GALNTL6: variants seen among roughly 807,000 people sequenced by gnomAD.
GALNTL6 encodes polypeptide N-acetylgalactosaminyltransferase like 6, also known as polypeptide N-acetylgalactosaminyltransferase-like 6.
GALNTL6 carries 46 observed loss-of-function variants against 73.7 expected under a neutral mutation model. The ratio of observed to expected loss-of-function variants is 0.62; its 90% confidence interval spans 0.49 to 0.80. The LOEUF (loss-of-function observed/expected upper bound fraction) is 0.80, where lower values mean the gene tolerates loss of function less well. Ranked by LOEUF, GALNTL6 falls within the 30% of genes least tolerant of loss-of-function variation. GALNTL6 has a pLI of 0.00. For synonymous variants in GALNTL6, 259 were observed against 263.7 expected (o/e 0.98, Z 0.17); for missense variants, 604 against 755.0 (o/e 0.80, Z 2.34).
At chr4:172,920,914 A>C (rs1222288475) in intron 8 of GALNTL6, among the ~76,000 whole-genome samples, 1 of 152,244 alleles carries the variant, frequency 6.6e-6, no homozygotes, top group Non-Finnish European at 1.5e-5. Context: ...ATAGTAAATA[A>C]GTGAGATATC....
At chr4:172,295,147 C>T (rs1174315516) in intron 3 of GALNTL6, among the ~76,000 whole-genome samples, 4 of 152,058 alleles carry the variant, frequency 2.6e-5, no homozygotes, top group African/African-American at 2.4e-5. Flanking sequence ...AAGAGCTGGG[C>T]GTGGTGGCTC....
At chr4:172,695,228 A>T (rs1218932664) in intron 5 of GALNTL6, among the ~76,000 whole-genome samples, 2 of 152,186 alleles carry the variant, frequency 1.3e-5, no homozygotes, top group African/African-American at 4.8e-5. Context: ...CAACAACAAA[A>T]AAGATGTAAT....
At chr4:172,327,390 G>A (rs1033785895) in intron 4 of GALNTL6, among the ~76,000 whole-genome samples, 3 of 152,100 alleles carry the variant, frequency 2.0e-5, no homozygotes, top group South Asian at 2.1e-4. Flanking sequence ...GGGGTGGAGA[G>A]TTCTGTAGAG....
At chr4:173,026,334 G>A (rs1158966021) in intron 12 of GALNTL6, among the ~76,000 whole-genome samples, 1 of 152,134 alleles carries the variant, frequency 6.6e-6, no homozygotes, top group Non-Finnish European at 1.5e-5. Flanking sequence ...ACACATCAGG[G>A]AGTCAATTTT....
intron 5 of GALNTL6, among the ~76,000 whole-genome samples, chr4:172,515,418 A>G (rs75289778): frequency 0.017 from 2,539 of 152,282 alleles, 64 homozygotes; most frequent in African/African-American, 0.058. Context: ...GTGTGATGAC[A>G]GTGGATGGTC....
chr4:172,992,995 C>T (rs1297647622), intron 10 of GALNTL6, among the ~76,000 whole-genome samples: 2 of 152,082 alleles, frequency 1.3e-5, no homozygotes, highest in South Asian at 2.1e-4. Flanking sequence ...TGAGATCAGT[C>T]GATGAGGTCA....
intron 5 of GALNTL6, among the ~76,000 whole-genome samples, chr4:172,790,171 C>G (rs1189403384): frequency 2.0e-5 from 3 of 152,302 alleles, no homozygotes; most frequent in Non-Finnish European, 4.4e-5. Context: ...GCTTTTGGTT[C>G]TGAGGGCCCA....
At chr4:172,976,819 C>T (rs1420199331) in intron 10 of GALNTL6, among the ~76,000 whole-genome samples, 1 of 152,136 alleles carries the variant, frequency 6.6e-6, no homozygotes, top group East Asian at 1.9e-4. Flanking sequence ...CTTTTACAGC[C>T]TTCACGATGA....
intron 5 of GALNTL6, among the ~76,000 whole-genome samples, chr4:172,784,995 C>G (rs1329371844): frequency 1.3e-5 from 2 of 152,120 alleles, no homozygotes; most frequent in Non-Finnish European, 2.9e-5. Flanking sequence ...GATACCAGGA[C>G]ATCTCCACAA....
intron 2 of GALNTL6, among the ~76,000 whole-genome samples, chr4:171,878,747 G>T (rs1042367438): frequency 1.4e-4 from 22 of 152,146 alleles, no homozygotes; most frequent in African/African-American, 5.3e-4. Flanking sequence ...ATGTCAAATT[G>T]TAATCCCTGG....
chr4:171,975,804 TA>T (rs1198853143), intron 2 of GALNTL6, among the ~76,000 whole-genome samples: 3 of 151,760 alleles, frequency 2.0e-5, no homozygotes, highest in Non-Finnish European at 2.9e-5. Context: ...AAAATTATTA[TA>T]TCTCAAGTAT....
chr4:172,408,713 T>C (rs1414073607), intron 5 of GALNTL6, among the ~76,000 whole-genome samples: 7 of 151,966 alleles, frequency 4.6e-5, no homozygotes, highest in African/African-American at 1.7e-4. Context: ...GGCGAGGAAA[T>C]ACTCCTCTGT....
At chr4:172,457,432 G>A (rs1005344511) in intron 5 of GALNTL6, among the ~76,000 whole-genome samples, 1 of 152,156 alleles carries the variant, frequency 6.6e-6, no homozygotes, top group African/African-American at 2.4e-5. Flanking sequence ...TGTATAAAAT[G>A]TCAAGACCCA....
At chr4:172,790,896 C>CA (rs770813700) in intron 5 of GALNTL6, among the ~76,000 whole-genome samples, 19,566 of 71,176 alleles carry the variant, frequency 0.27, 2,137 homozygotes, top group East Asian at 0.36. Flanking sequence ...GAGACTCCAT[C>CA]AAAAAAAAAA....
chr4:172,939,107 T>G (rs947250327), intron 9 of GALNTL6, among the ~76,000 whole-genome samples: 6 of 152,060 alleles, frequency 3.9e-5, no homozygotes, highest in South Asian at 2.1e-4. Context: ...CTGGGCAACA[T>G]AGCAAGGCCC....
chr4:172,402,659 C>T (rs372703242), intron 5 of GALNTL6, among the ~76,000 whole-genome samples: 5 of 151,636 alleles, frequency 3.3e-5, no homozygotes, highest in African/African-American at 4.8e-5. Context: ...ATTTTTTGGA[C>T]GAATCTTGTG....
intron 2 of GALNTL6, among the ~76,000 whole-genome samples, chr4:172,083,474 A>G (rs975662349): frequency 2.0e-5 from 3 of 152,220 alleles, no homozygotes; most frequent in Non-Finnish European, 2.9e-5. Flanking sequence ...CCTCAAACAC[A>G]ATATCATACT....
chr4:173,015,268 A>G (rs1752732370), intron 11 of GALNTL6, among the ~76,000 whole-genome samples: 1 of 152,214 alleles, frequency 6.6e-6, no homozygotes, highest in Non-Finnish European at 1.5e-5. Flanking sequence ...CTGGTAGGGT[A>G]GGGTGCTGCT....
chr4:172,145,261 T>TC (rs1297926123), intron 2 of GALNTL6, among the ~76,000 whole-genome samples: 3 of 151,964 alleles, frequency 2.0e-5, no homozygotes, highest in African/African-American at 7.2e-5. Context: ...TGCCTCAGCC[T>TC]CCCAGGTAGC....
Sources: allele counts gnomAD v4.1 joint callset (sites outside exome capture counted in the v4.1 genomes callset), GRCh38; gene constraint gnomAD v4.1.1; transcripts MANE v1.5; gene names NCBI Gene and HGNC (gene_info 2026-07-23, HGNC 2026-07-21).